The following CTNNA2 variants were observed in gnomAD, a reference collection of about 807,000 sequenced individuals.
CTNNA2 encodes catenin alpha 2.
A neutral mutation model predicts 101.0 loss-of-function variants in CTNNA2; 42 were observed. That is an observed-to-expected ratio of 0.42 (90% confidence interval 0.32 to 0.54). CTNNA2 has a LOEUF of 0.54. Ranked by LOEUF, CTNNA2 falls within the 20% of genes least tolerant of loss-of-function variation. The pLI, the probability that CTNNA2 is intolerant of heterozygous loss-of-function variation, is 0.14. For synonymous variants in CTNNA2, 450 were observed against 456.4 expected, an observed-to-expected ratio of 0.99 and a Z score of 0.18; for missense variants, 871 against 1,223.1, an observed-to-expected ratio of 0.71 and a Z score of 4.29.
intron 1 of CTNNA2, among the ~76,000 whole-genome samples, chr2:79,539,411 G>A (rs1864551): frequency 0.2 from 30,709 of 152,096 alleles, 3,303 homozygotes; most frequent in Middle Eastern, 0.28. Flanking sequence ...GGGTCCTCTG[G>A]ATATAAAGTC....
intron 3 of CTNNA2, among the ~76,000 whole-genome samples, chr2:79,361,191 T>C (rs1677620160): frequency 6.6e-6 from 1 of 152,236 alleles, no homozygotes; most frequent in Admixed American, 6.5e-5. Flanking sequence ...CTTTAAGAAA[T>C]GCTACCCTTT....
intron 4 of CTNNA2, among the ~76,000 whole-genome samples, chr2:79,411,277 G>C (rs183431343): frequency 0.011 from 1,625 of 151,896 alleles, 23 homozygotes; most frequent in African/African-American, 0.037. Flanking sequence ...ATTTTTTGAA[G>C]GGTTTTTTGT....
chr2:79,231,915 A>T (rs1674498199), intron 2 of CTNNA2, among the ~76,000 whole-genome samples: 1 of 152,092 alleles, frequency 6.6e-6, no homozygotes, highest in Non-Finnish European at 1.5e-5. Context: ...CTTGTATCCT[A>T]AAACTTTACC....
At chr2:80,475,395 C>A in intron 9 of CTNNA2, among the ~76,000 whole-genome samples, 1 of 151,826 alleles carries the variant, frequency 6.6e-6, no homozygotes, top group African/African-American at 2.4e-5. Context: ...AGAGGTGGTG[C>A]AAAATAAGGA....
chr2:79,373,909 G>A (rs1401851380), exon 4 of CTNNA2: 3 of 152,160 alleles, frequency 2.0e-5, no homozygotes, highest in Non-Finnish European at 4.4e-5. Context: ...CAGCACTCAG[G>A]ATGAGTGCCA....
At chr2:79,247,691 T>G (rs1440874062) in intron 2 of CTNNA2, among the ~76,000 whole-genome samples, 1 of 152,214 alleles carries the variant, frequency 6.6e-6, no homozygotes, top group Non-Finnish European at 1.5e-5. Context: ...GTGATTAAGC[T>G]AAGACTCTTG....
intron 7 of CTNNA2, among the ~76,000 whole-genome samples, chr2:79,944,973 G>A (rs926587394): frequency 6.6e-6 from 1 of 152,294 alleles, no homozygotes; most frequent in Admixed American, 6.5e-5. Context: ...GGGCAAAAAT[G>A]AGAGTACTTA....
chr2:79,368,790 T>C (rs1677806259), intron 3 of CTNNA2, among the ~76,000 whole-genome samples: 1 of 152,190 alleles, frequency 6.6e-6, no homozygotes, highest in Admixed American at 6.5e-5. Flanking sequence ...AAACACTCCA[T>C]TAACAATGAA....
At chr2:79,299,618 T>A (rs1422455907) in intron 2 of CTNNA2, among the ~76,000 whole-genome samples, 1 of 152,090 alleles carries the variant, frequency 6.6e-6, no homozygotes, top group Non-Finnish European at 1.5e-5. Flanking sequence ...AAGCAGCAAA[T>A]ATGAGGTGTG....
chr2:79,423,149 C>G (rs1193334323), intron 4 of CTNNA2, among the ~76,000 whole-genome samples: 1 of 152,124 alleles, frequency 6.6e-6, no homozygotes, highest in African/African-American at 2.4e-5. Context: ...TTTTGGAGGA[C>G]TCTTTCTGAG....
intron 7 of CTNNA2, among the ~76,000 whole-genome samples, chr2:80,211,068 A>G (rs910446647): frequency 4.0e-5 from 6 of 151,566 alleles, no homozygotes; most frequent in Non-Finnish European, 8.8e-5. Context: ...GGGTTGTTTG[A>G]TTTTTTCTTG....
chr2:79,587,237 A>G (rs988007491), intron 1 of CTNNA2, among the ~76,000 whole-genome samples: 10 of 152,100 alleles, frequency 6.6e-5, no homozygotes, highest in Admixed American at 5.9e-4. Flanking sequence ...CCTTTAAGGA[A>G]TCTTCACACT....
intron 7 of CTNNA2, among the ~76,000 whole-genome samples, chr2:80,377,414 C>T (rs1229665243): frequency 6.6e-6 from 1 of 152,160 alleles, no homozygotes; most frequent in Non-Finnish European, 1.5e-5. Flanking sequence ...CTTATTTTTA[C>T]CATAATCTTG....
intron 14 of CTNNA2, among the ~76,000 whole-genome samples, chr2:80,588,560 T>C (rs1248076209): frequency 2.6e-5 from 4 of 152,178 alleles, no homozygotes; most frequent in Admixed American, 2.0e-4. Flanking sequence ...AATCCATGAA[T>C]AAGAAGACTG....
chr2:80,500,236 G>C lies in CTNNA2; in HGVS notation c.1291-44746G>C. On this transcript the variant is annotated intron_variant, in intron 9 of 18. Transcript: ENST00000402739. Reference sequence around the variant, plus strand: ...CAGAAGCTATGTGAGAATGGGATCCGCAAAAATGCAGAATAAAAGTTTACT... The same window carrying C: ...CAGAAGCTATGTGAGAATGGGATCCCCAAAAATGCAGAATAAAAGTTTACT... Among the ~76,000 whole-genome samples, 3 of 152,210 alleles carry C rather than the reference G, an allele frequency of 2.0e-5. No homozygotes were observed. In the South Asian group the frequency reaches 6.2e-4, roughly 32 times the overall value.
intron 3 of CTNNA2, among the ~76,000 whole-genome samples, chr2:79,343,658 T>C (rs1231840788): frequency 6.6e-6 from 1 of 152,092 alleles, no homozygotes; most frequent in African/African-American, 2.4e-5. Flanking sequence ...GGGATTTGGA[T>C]TGCAGGAACA....
At chr2:79,670,766 C>T (rs952232099) in intron 2 of CTNNA2, among the ~76,000 whole-genome samples, 14 of 152,244 alleles carry the variant, frequency 9.2e-5, no homozygotes, top group African/African-American at 3.1e-4. Flanking sequence ...TTGTGATTAA[C>T]GCTTTTGCTC....
chr2:80,216,839 ATTT>A (rs5832441), intron 7 of CTNNA2, among the ~76,000 whole-genome samples: 6 of 136,074 alleles, frequency 4.4e-5, no homozygotes, highest in Admixed American at 7.3e-5. Flanking sequence ...AGCTATTTCC[ATTT>A]TTTTTTTTTT....
chr2:80,206,038 G>T (rs1384528622), intron 7 of CTNNA2, among the ~76,000 whole-genome samples: 1 of 152,058 alleles, frequency 6.6e-6, no homozygotes, highest in East Asian at 1.9e-4. Flanking sequence ...TCTTGTCATG[G>T]TAATCCATTT....
Sources: gnomAD v4.1 joint callset for allele counts (sites outside exome capture counted in the v4.1 genomes callset) on GRCh38, gnomAD v4.1.1 for gene constraint, MANE v1.5 for transcripts, NCBI Gene and HGNC (gene_info 2026-07-23, HGNC 2026-07-21) for gene names.